Variants in ANKRD13A observed in about 807,000 individuals in gnomAD.
ANKRD13A encodes ankyrin repeat domain-containing protein 13A.
A neutral mutation model predicts 81.3 loss-of-function variants in ANKRD13A; 48 were observed. The ratio of observed to expected loss-of-function variants is 0.59; its 90% CI spans 0.47 to 0.75. ANKRD13A has a LOEUF of 0.75. ANKRD13A is among the 30% of genes least tolerant of loss of function. ANKRD13A has a pLI of 0.00. For missense variants in ANKRD13A, 612 were observed against 734.0 expected (o/e 0.83, Z 1.92); for synonymous variants, 230 against 270.1 (o/e 0.85, Z 1.45).
intron 1 of ANKRD13A, among the ~76,000 whole-genome samples, chr12:110,001,495 A>G (rs909546035): frequency 2.8e-4 from 42 of 148,276 alleles, no homozygotes; most frequent in Non-Finnish European, 5.5e-4. Context: ...ACTTGAGTGC[A>G]GTGGCGCGAT....
intron 6 of ANKRD13A, chr12:110,021,062 A>T: frequency 2.2e-6 from 1 of 452,786 alleles, no homozygotes; most frequent in South Asian, 1.6e-5. Flanking sequence ...AGCATATTCC[A>T]TTTGTACCGA....
Position 110,039,374 on chromosome 12 carries a change from A to T in ANKRD13A, c.*1820A>T, listed in dbSNP as rs1892239313. 1 of 152,156 alleles carries T rather than the reference A, an allele frequency of 6.6e-6. No homozygotes were observed. Among genetic ancestry groups the T allele is most frequent in the South Asian group, 2.1e-4 (1 of 4,828 alleles). 9.4% of individuals were successfully genotyped at this position (152,156 alleles called of 1,614,324 possible). On this transcript the variant is annotated 3_prime_UTR_variant, in exon 15 of 15. Transcript: ENST00000261739. ...CAACCTGTTGCAGTGTTTTTCATAT[A>T]TGTGTTCACTCTAAAAATGCAAATA...
At chr12:110,021,581 A>G (rs1039984995) in intron 6 of ANKRD13A, 1 of 152,574 alleles carries the variant, frequency 6.6e-6, no homozygotes, top group African/African-American at 2.4e-5. Context: ...ACCCTCCATC[A>G]TGCCCAGCTA....
At chr12:110,007,794 G>T (rs926039763) in intron 1 of ANKRD13A, among the ~76,000 whole-genome samples, 9 of 152,106 alleles carry the variant, frequency 5.9e-5, no homozygotes, top group African/African-American at 2.2e-4. Flanking sequence ...TATTATAGAT[G>T]GAATTGTTGT....
chr12:110,008,922 G>A (rs982428786), intron 1 of ANKRD13A, among the ~76,000 whole-genome samples: 2 of 151,946 alleles, frequency 1.3e-5, no homozygotes, highest in African/African-American at 4.8e-5. Context: ...TTTTTTGGTG[G>A]GCAGTTTTAA....
chr12:110,018,473 A>G lies in ANKRD13A; in HGVS notation c.529A>G (p.Ile177Val). ...CTGGATAAGAGGGAGGCGTAGTTTT[A>G]TATTTAAGGGAGAAGGTGAGTGACT... Reference protein sequence around the residue: ...MSWIRGRRSFIFKGEDNWAEL... With the variant: ...MSWIRGRRSFVFKGEDNWAEL... The change falls in exon 5 of 15, where the codon ATA becomes GTA. Residue 177 changes from isoleucine to valine, a missense_variant. Physicochemically the swap from Ile to Val is conservative, Grantham distance 29. Coordinates refer to ENST00000261739, the MANE Select transcript of ANKRD13A (RefSeq NM_033121.2). The surrounding 1 kb of genome is among the most constrained non-coding windows in gnomAD (Gnocchi z 4.4). 1 of 1,614,148 alleles carries G rather than the reference A, an allele frequency of 6.2e-7. No individual in the cohort carries two copies. Among genetic ancestry groups the G allele is most frequent in the Non-Finnish European group, 8.5e-7 (1 of 1,180,006 alleles).
At chr12:110,037,268 G>A in intron 14 of ANKRD13A, 91 bp from the exon 15 acceptor site, 1 of 1,275,012 alleles carries the variant, frequency 7.8e-7, no homozygotes, top group Non-Finnish European at 1.1e-6. Context: ...GGCACAGTGT[G>A]CCCTTGGTAA....
chr12:110,017,925 C>A (rs1208631349), intron 4 of ANKRD13A, among the ~76,000 whole-genome samples: 1 of 150,844 alleles, frequency 6.6e-6, no homozygotes, highest in Non-Finnish European at 1.5e-5. Flanking sequence ...GGGTGAGACT[C>A]CGTCTCAAAA....
intron 6 of ANKRD13A, chr12:110,022,343 G>C (rs1891121225): frequency 6.6e-6 from 1 of 152,174 alleles, no homozygotes; most frequent in Admixed American, 6.6e-5. Context: ...CAGCTACTTG[G>C]AAGGCTGAGG....
chr12:110,033,388 G>T (rs565252794), intron 12 of ANKRD13A, among the ~76,000 whole-genome samples: 51 of 151,896 alleles, frequency 3.4e-4, no homozygotes, highest in Non-Finnish European at 5.9e-4. Context: ...TGTGTCTTAG[G>T]CTAGGTGAAG....
chr12:110,033,021 C>T (rs1207340666), intron 12 of ANKRD13A, among the ~76,000 whole-genome samples: 4 of 151,388 alleles, frequency 2.6e-5, no homozygotes, highest in East Asian at 1.9e-4. Context: ...GGGATGTGCC[C>T]GCAGTATGGT....
intron 1 of ANKRD13A, among the ~76,000 whole-genome samples, chr12:110,007,369 T>C (rs1377314190): frequency 6.6e-6 from 1 of 152,148 alleles, no homozygotes; most frequent in African/African-American, 2.4e-5. Context: ...TTTAATTTTT[T>C]GAGGTTTTTT....
At chr12:110,021,714 G>C (rs1172665467) in intron 6 of ANKRD13A, 1 of 152,172 alleles carries the variant, frequency 6.6e-6, no homozygotes, top group Non-Finnish European at 1.5e-5. Flanking sequence ...CATGAGCCAC[G>C]GCACCCAGCC....
chr12:110,016,299 C>A, intron 3 of ANKRD13A, 89 bp from the exon 4 acceptor site: 3 of 977,298 alleles, frequency 3.1e-6, no homozygotes, highest in Non-Finnish European at 4.4e-6. Context: ...TTTTTTAACC[C>A]AGGGTTTTTA....
intron 3 of ANKRD13A, 67 bp downstream of exon 3, chr12:110,013,316 T>A: frequency 6.3e-7 from 1 of 1,589,884 alleles, no homozygotes; most frequent in Non-Finnish European, 8.6e-7. Context: ...GGAGACACAG[T>A]TTGACATCCT....
At chr12:110,024,203 G>A in intron 7 of ANKRD13A, 91 bp downstream of exon 7, 1 of 1,113,932 alleles carries the variant, frequency 9.0e-7, no homozygotes, top group Non-Finnish European at 1.3e-6. Flanking sequence ...ATGCATCTGT[G>A]CCATGGAGAT....
intron 2 of ANKRD13A, among the ~76,000 whole-genome samples, chr12:110,012,919 G>A (rs935626882): frequency 2.0e-5 from 3 of 152,110 alleles, no homozygotes; most frequent in East Asian, 1.9e-4. Context: ...AGAGGTGGAC[G>A]GGGTTTGATC....
At chr12:110,009,660 G>T (rs202016663) in intron 1 of ANKRD13A, among the ~76,000 whole-genome samples, 2 of 151,294 alleles carry the variant, frequency 1.3e-5, no homozygotes, top group East Asian at 1.9e-4. Context: ...ATTTTTTTTC[G>T]ACTGCCTCTT....
At chr12:110,029,696 A>G in intron 11 of ANKRD13A, 61 bp downstream of exon 11, 3 of 1,581,842 alleles carry the variant, frequency 1.9e-6, no homozygotes, top group Non-Finnish European at 2.6e-6. Flanking sequence ...GGGTGGCAGC[A>G]TGTGGGTGGC....
Sources: allele counts gnomAD v4.1 joint callset (sites outside exome capture counted in the v4.1 genomes callset), GRCh38; gene constraint gnomAD v4.1.1; non-coding constraint Gnocchi (gnomAD v3.1); transcripts MANE v1.5; gene names NCBI Gene and HGNC (gene_info 2026-07-23, HGNC 2026-07-21).